Variants in DRICH1 observed in about 807,000 individuals in gnomAD.
The protein encoded by DRICH1 is aspartate-rich protein 1.
In DRICH1, 38 loss-of-function variants were observed where a neutral mutation model predicts 39.5. The ratio of observed to expected loss-of-function variants is 0.96; its 90% CI spans 0.74 to 1.26. DRICH1 has a LOEUF of 1.26. DRICH1 is among the 50% of genes most tolerant of loss of function. The pLI, the probability that DRICH1 is intolerant of heterozygous loss-of-function variation, is 0.00. For synonymous variants in DRICH1, 84 were observed against 99.5 expected (o/e 0.84, Z 0.93); for missense variants, 279 against 270.4 (o/e 1.03, Z -0.22).
chr22:23,620,666 A>T (rs758204027), intron 4 of DRICH1, 51 bp from the exon 5 acceptor site: 2 of 1,591,882 alleles, frequency 1.3e-6, no homozygotes, highest in African/African-American at 2.7e-5. Flanking sequence ...ATTCTGCTGC[A>T]CCCCTTACAC....
At chr22:23,624,401 G>A (rs1460263484) in intron 3 of DRICH1, 1 of 925,950 alleles carries the variant, frequency 1.1e-6, no homozygotes, top group Admixed American at 6.2e-5. Flanking sequence ...CTTCTCACCT[G>A]ATGACATTAA....
In DRICH1 at chr22:23,631,987, A is replaced by T. The variant is rs1920994880; in HGVS notation, c.37T>A (p.Cys13Ser). The change falls in exon 1 of 12, where the codon TGT becomes AGT. Residue 13 changes from cysteine (C) to serine (S), a missense_variant. By Grantham distance (112) the Cys-to-Ser change is moderately radical. Transcript: ENST00000317749. The part of the protein sequence containing the change: ...NILTCCINSH[C>S]GWPRGKDAPC... ...GCGTCCTTCCCCCTGGGCCAGCCAC[A>T]GTGGGAGTTGATACAACAGGTCAGT... 2 of 1,613,516 alleles carry T rather than the reference A, an allele frequency of 1.2e-6. No individual in the cohort carries two copies. The highest frequency in any genetic ancestry group is 2.7e-5 in the African/African-American group (2 of 74,914).
At chr22:23,614,875 G>T (rs1745725722) in intron 8 of DRICH1, among the ~76,000 whole-genome samples, 1 of 152,178 alleles carries the variant, frequency 6.6e-6, no homozygotes, top group Admixed American at 6.5e-5. Context: ...CATTCAAACA[G>T]GCCAAGCCCA....
chr22:23,607,488 C>A (rs1165621294), downstream of DRICH1, among the ~76,000 whole-genome samples: 1 of 151,980 alleles, frequency 6.6e-6, no homozygotes, highest in African/African-American at 2.4e-5. Context: ...CAGTCACCGA[C>A]CCCCAGAGTC....
intron 8 of DRICH1, among the ~76,000 whole-genome samples, chr22:23,614,571 T>G (rs1927241602): frequency 1.3e-5 from 2 of 152,218 alleles, no homozygotes; most frequent in Non-Finnish European, 2.9e-5. Flanking sequence ...ACTGTGTCAG[T>G]ACACTAGGAT....
intron 3 of DRICH1, chr22:23,624,133 G>C (rs1927924490): frequency 1.0e-6 from 1 of 985,180 alleles, no homozygotes. Flanking sequence ...ACAGACAAAT[G>C]AATGTGCTGC....
chr22:23,584,646 T>C, the DRICH1 span, among the ~76,000 whole-genome samples: 2 of 152,252 alleles, frequency 1.3e-5, no homozygotes. Context: ...TACCATTATT[T>C]ACGGCCAGGG....
rs1921006151 is a variant in DRICH1, at chr22:23,632,218, C to T, written c.-195G>A. ...GTCTATGAGGTCAGGGACCTGCTGT[C>T]TTCTTTGAAAAATAAACGAACATGA... On this transcript the variant is annotated 5_prime_UTR_variant, in exon 1 of 12. Coordinates refer to ENST00000317749, the MANE Select transcript of DRICH1 (RefSeq NM_016449.4). 1 of 876,682 alleles carries T rather than the reference C, an allele frequency of 1.1e-6. No individual in the cohort carries two copies. Among genetic ancestry groups the T allele is most frequent in the African/African-American group, 1.7e-5 (1 of 59,050 alleles). 54.3% of individuals were successfully genotyped at this position (876,682 alleles called of 1,614,324 possible).
At chr22:23,587,006 C>T in the DRICH1 span, among the ~76,000 whole-genome samples, 4 of 152,318 alleles carry the variant, frequency 2.6e-5, no homozygotes, top group Admixed American at 2.6e-4. Flanking sequence ...TAGCCATTCT[C>T]TAACCTAGCC....
intron 1 of DRICH1, among the ~76,000 whole-genome samples, chr22:23,629,262 C>T (rs1319907771): frequency 6.6e-6 from 1 of 152,204 alleles, no homozygotes; most frequent in Non-Finnish European, 1.5e-5. Flanking sequence ...TGGTCTCAAA[C>T]TCCTAACCTC....
intron 11 of DRICH1, 99 bp downstream of exon 11, chr22:23,613,190 T>C (rs1927140832): frequency 1.2e-6 from 1 of 854,276 alleles, no homozygotes; most frequent in Non-Finnish European, 2.0e-6. Context: ...TCTGATTTCA[T>C]ACCCCCTCCT....
At chr22:23,631,442 A>T (rs897032760) in intron 1 of DRICH1, among the ~76,000 whole-genome samples, 10 of 143,524 alleles carry the variant, frequency 7.0e-5, no homozygotes, top group Middle Eastern at 3.4e-3. Context: ...AAATAAATAA[A>T]TAATAAATAA....
chr22:23,632,314 T>G lies in DRICH1; in HGVS notation c.-291A>C. On this transcript the variant is annotated 5_prime_UTR_variant, in exon 1 of 12. Transcript: ENST00000317749. The stretch of plus-strand genomic sequence containing the variant: ...AGCTCCTCCTCCCTCCACTGCGAGC[T>G]ACTGACTGAGGGCTGCTGGCCCTGG... 4.6e-6 allele frequency: 2 copies of G among 436,472 alleles called. No individual in the cohort carries two copies. Among genetic ancestry groups the G allele is most frequent in the Non-Finnish European group, 4.2e-6 (1 of 237,890 alleles). 27.0% of individuals were successfully genotyped at this position (436,472 alleles called of 1,614,324 possible). A position where few individuals can be genotyped will look rare whatever the true frequency, so the allele number is the denominator to read the frequency against.
At chr22:23,588,165 CA>C in the DRICH1 span, among the ~76,000 whole-genome samples, 2 of 152,290 alleles carry the variant, frequency 1.3e-5, no homozygotes, top group East Asian at 3.9e-4. Context: ...CTTGCTCTGT[CA>C]CCCAGGCTGG....
chr22:23,624,207 A>G, intron 3 of DRICH1: 1 of 985,452 alleles, frequency 1.0e-6, no homozygotes. Context: ...ACACCGCAGA[A>G]GAATTCTGTC....
chr22:23,624,218 TC>T, intron 3 of DRICH1: 2 of 985,388 alleles, frequency 2.0e-6, no homozygotes, highest in South Asian at 9.4e-5. Context: ...GAATTCTGTC[TC>T]CAGGAGTGAG....
the DRICH1 span, among the ~76,000 whole-genome samples, chr22:23,585,502 T>G: frequency 6.6e-6 from 1 of 151,978 alleles, no homozygotes; most frequent in Non-Finnish European, 1.5e-5. Context: ...TTGTGGGGGA[T>G]ATTTTGTGGG....
intron 1 of DRICH1, among the ~76,000 whole-genome samples, chr22:23,630,130 C>T (rs149595321): frequency 6.4e-4 from 98 of 152,280 alleles, no homozygotes; most frequent in African/African-American, 9.9e-4. Context: ...CACAGTAATG[C>T]CCATGCCAAC....
rs561496366 is a variant in DRICH1, at chr22:23,610,124, G to A, written c.686-1356C>T. Among the ~76,000 whole-genome samples, 6 of 152,198 alleles carry A rather than the reference G, an allele frequency of 3.9e-5. No individual in the cohort carries two copies. The South Asian group carries it at 1.2e-3, about 32-fold the overall frequency. On this transcript the variant is annotated intron_variant, in intron 11 of 11. Coordinates refer to ENST00000317749, the MANE Select transcript of DRICH1 (RefSeq NM_016449.4). ...ACCACACCACCAGATTGCTCTTGTA[G>A]GGCACGACGTGGTCTCCATGTGGCT... is the stretch of plus-strand genomic sequence containing the variant.
Sources: gnomAD v4.1 joint callset for allele counts (sites outside exome capture counted in the v4.1 genomes callset) on GRCh38, gnomAD v4.1.1 for gene constraint, MANE v1.5 for transcripts, NCBI Gene and HGNC (gene_info 2026-07-23, HGNC 2026-07-21) for gene names.